Variants in PARP11 observed in about 807,000 individuals in gnomAD.
The protein encoded by PARP11 is poly(ADP-ribose) polymerase family member 11.
In PARP11, 31 loss-of-function variants were observed where a neutral mutation model predicts 42.9. That is an observed-to-expected ratio of 0.72 (90% CI 0.54 to 0.98). The LOEUF (loss-of-function observed/expected upper bound fraction) is 0.98. Ranked by LOEUF, PARP11 falls within the 50% of genes least tolerant of loss-of-function variation. The pLI, the probability that PARP11 is intolerant of heterozygous loss-of-function variation, is 0.00. For missense variants in PARP11, 365 were observed against 413.1 expected (o/e 0.88, Z 1.01); for synonymous variants, 137 against 127.3 (o/e 1.08, Z -0.51).
intron 1 of PARP11, among the ~76,000 whole-genome samples, chr12:3,859,690 T>G (rs74474752): frequency 4.8e-4 from 73 of 152,282 alleles, no homozygotes; most frequent in African/African-American, 1.5e-3. Flanking sequence ...AATCCAGCTA[T>G]ATGCTGTCCA....
At chr12:3,853,759 T>G (rs531324131) in intron 1 of PARP11, among the ~76,000 whole-genome samples, 1 of 152,332 alleles carries the variant, frequency 6.6e-6, no homozygotes, top group South Asian at 2.1e-4. Context: ...ATCCAGGACT[T>G]GCACTCAGCT....
chr12:3,817,059 C>T (rs764989418), intron 6 of PARP11, among the ~76,000 whole-genome samples: 23 of 152,018 alleles, frequency 1.5e-4, no homozygotes, highest in Non-Finnish European at 2.6e-4. Context: ...GGCGTGGTGG[C>T]GGGCGCCTGT....
chr12:3,838,971 G>T (rs770094973), intron 1 of PARP11, among the ~76,000 whole-genome samples: 3 of 152,144 alleles, frequency 2.0e-5, no homozygotes, highest in Non-Finnish European at 2.9e-5. Context: ...CCCCCGGCCT[G>T]GGTCCTGAGT....
chr12:3,828,131 TCCA>T (rs1947564579), intron 3 of PARP11, among the ~76,000 whole-genome samples: 1 of 152,196 alleles, frequency 6.6e-6, no homozygotes, highest in Non-Finnish European at 1.5e-5. Flanking sequence ...GAAGGCAATG[TCCA>T]TTAAAGAAAT....
intron 7 of PARP11, among the ~76,000 whole-genome samples, chr12:3,813,647 T>C (rs1947226755): frequency 6.6e-6 from 1 of 152,242 alleles, no homozygotes; most frequent in Non-Finnish European, 1.5e-5. Flanking sequence ...TCCTAAACAG[T>C]AGTCAGTTCT....
chr12:3,822,040 T>C, intron 5 of PARP11, 37 bp from the exon 6 acceptor site: 6 of 1,609,306 alleles, frequency 3.7e-6, no homozygotes, highest in Non-Finnish European at 5.1e-6. Context: ...ACTGCAGTCA[T>C]TTCCGGTTTC....
intron 1 of PARP11, among the ~76,000 whole-genome samples, chr12:3,845,572 A>G (rs12228457): frequency 0.018 from 2,802 of 152,280 alleles, 124 homozygotes; most frequent in East Asian, 0.14. Flanking sequence ...TAGATGAGGT[A>G]AATGTTTTGT....
intron 1 of PARP11, among the ~76,000 whole-genome samples, chr12:3,846,480 GGCGCAGTA>G (rs1284496920): frequency 6.6e-6 from 1 of 152,128 alleles, no homozygotes; most frequent in African/African-American, 2.4e-5. Context: ...ACTTGGATTG[GGCGCAGTA>G]GCTCATGCCT....
Position 3,812,258 on chromosome 12 carries a change from G to A in PARP11, c.882C>T (p.Tyr294=), listed in dbSNP as rs972592181. Reference sequence around the variant, plus strand: ...TCCCGTCTTTGGAAGGAGGTCGCATGTATTTGGAGTCTCCGTTTATGTAAT... The same window carrying A: ...TCCCGTCTTTGGAAGGAGGTCGCATATATTTGGAGTCTCCGTTTATGTAAT... The part of the protein sequence containing the change: ...IGDYINGDSK[Y]MRPPSKDGSY... The change falls in exon 8 of 8, where the codon TAC becomes TAT. Residue 294 remains tyrosine, a synonymous_variant. Coordinates refer to ENST00000228820, the MANE Select transcript of PARP11 (RefSeq NM_020367.6). 2 of 1,614,046 alleles carry A rather than the reference G, an allele frequency of 1.2e-6. No individual in the cohort carries two copies. The highest frequency in any genetic ancestry group is 2.7e-5 in the African/African-American group (2 of 74,948).
At chr12:3,846,626 A>C (rs1176425321) in intron 1 of PARP11, among the ~76,000 whole-genome samples, 2 of 151,912 alleles carry the variant, frequency 1.3e-5, no homozygotes, top group Non-Finnish European at 2.9e-5. Flanking sequence ...GTGTGGTGGC[A>C]GGCGCCTGTA....
chr12:3,828,255 T>A (rs1947567845), intron 3 of PARP11, among the ~76,000 whole-genome samples: 2 of 152,108 alleles, frequency 1.3e-5, no homozygotes, highest in African/African-American at 4.8e-5. Context: ...ATCCTTAAAG[T>A]AAAAAAGTTC....
chr12:3,834,110 G>A (rs1947706003), intron 1 of PARP11, among the ~76,000 whole-genome samples: 1 of 152,200 alleles, frequency 6.6e-6, no homozygotes, highest in Non-Finnish European at 1.5e-5. Flanking sequence ...TGTGCCAGGA[G>A]CAGTCAGCTA....
At chr12:3,826,525 G>C (rs1196474380) in intron 3 of PARP11, among the ~76,000 whole-genome samples, 1 of 152,144 alleles carries the variant, frequency 6.6e-6, no homozygotes, top group Non-Finnish European at 1.5e-5. Flanking sequence ...ATCACACTTA[G>C]GTTAAACAGA....
chr12:3,828,544 C>CAAA (rs543241542), intron 3 of PARP11, among the ~76,000 whole-genome samples: 2 of 75,926 alleles, frequency 2.6e-5, no homozygotes, highest in African/African-American at 9.2e-5. Flanking sequence ...TGAGACGTCT[C>CAAA]AAAAAAAAAA....
At chr12:3,817,182 T>G (rs1331524995) in intron 6 of PARP11, among the ~76,000 whole-genome samples, 1 of 128,342 alleles carries the variant, frequency 7.8e-6, no homozygotes, top group East Asian at 2.6e-4. Context: ...CAGAAAGAGA[T>G]TCTGTCTCAA....
At chr12:3,823,032 G>C (rs1947432891) in intron 4 of PARP11, among the ~76,000 whole-genome samples, 1 of 152,166 alleles carries the variant, frequency 6.6e-6, no homozygotes, top group Non-Finnish European at 1.5e-5. Flanking sequence ...GCCACCCGAT[G>C]TGAATACAGA....
At chr12:3,863,850 C>T (rs530974507) in intron 1 of PARP11, 1 of 152,274 alleles carries the variant, frequency 6.6e-6, no homozygotes, top group South Asian at 2.1e-4. Flanking sequence ...TACTGAAGCT[C>T]CAGATTCCCA....
chr12:3,817,716 T>C (rs1947320223), intron 6 of PARP11, among the ~76,000 whole-genome samples: 2 of 152,320 alleles, frequency 1.3e-5, no homozygotes, highest in East Asian at 3.9e-4. Flanking sequence ...AGTGCCAAAC[T>C]GGCTAAAGTG....
At chr12:3,819,412 C>T (rs1389565695) in intron 6 of PARP11, among the ~76,000 whole-genome samples, 1 of 152,100 alleles carries the variant, frequency 6.6e-6, no homozygotes, top group East Asian at 1.9e-4. Flanking sequence ...TTGTGAAAGG[C>T]TTCTTCTTTG....
Sources: gnomAD v4.1 joint callset for allele counts (sites outside exome capture counted in the v4.1 genomes callset) on GRCh38, gnomAD v4.1.1 for gene constraint, MANE v1.5 for transcripts, NCBI Gene and HGNC (gene_info 2026-07-23, HGNC 2026-07-21) for gene names.